ARHGEF11: variants seen among roughly 807,000 people sequenced by gnomAD.
ARHGEF11 encodes Rho guanine nucleotide exchange factor 11, also known as Rho guanine exchange factor (GEF) 11.
Under a neutral mutation model 193.7 loss-of-function variants are expected in ARHGEF11, and 55 were observed. The ratio of observed to expected loss-of-function variants is 0.28; its 90% CI spans 0.23 to 0.36. The LOEUF (loss-of-function observed/expected upper bound fraction) is 0.36, where lower values mean the gene tolerates loss of function less well. ARHGEF11 is among the 10% of genes least tolerant of loss of function. ARHGEF11 has a pLI of 1.00. For synonymous variants in ARHGEF11, 693 were observed against 768.0 expected (o/e 0.90, Z 1.62); for missense variants, 1,723 against 2,005.6 (o/e 0.86, Z 2.69).
chr1:156,955,619 G>C (rs1007896123), intron 20 of ARHGEF11, 84 bp downstream of exon 20: 33 of 1,058,290 alleles, frequency 3.1e-5, no homozygotes, highest in Non-Finnish European at 4.8e-5. Flanking sequence ...ACACAGGAAG[G>C]CCCTCTGCCA....
chr1:156,953,226 T>C (rs1031806604), intron 21 of ARHGEF11, among the ~76,000 whole-genome samples: 1 of 152,328 alleles, frequency 6.6e-6, no homozygotes, highest in East Asian at 1.9e-4. Context: ...GGAGGATCAC[T>C]TGAGCCCAGC....
chr1:156,948,214 G>C lies in ARHGEF11; in HGVS notation c.2120C>G (p.Pro707Arg). ...CATTTTGGGAGTGAATGGAGGGGTT[G>C]GGTTCTCAAGAGACCTGTGGAGGGA... is the stretch of plus-strand genomic sequence containing the variant. ...SSLSTRSLENPTPPFTPKMGR... is the reference protein window; with the variant it reads ...SSLSTRSLENRTPPFTPKMGR... Residue 707 changes from proline to arginine, a missense_variant, in exon 24 of 41, where the codon CCA (proline) becomes CGA (arginine). This residue lies in a region of ARHGEF11 where 491 missense variants were observed against 654.5 expected (regional missense o/e 0.75). Coordinates refer to ENST00000368194, the MANE Select transcript of ARHGEF11 (RefSeq NM_198236.3). The surrounding 1 kb of genome is among the most constrained non-coding windows in gnomAD (Gnocchi z 4.2). The C allele has an allele frequency of 6.3e-7, 1 of 1,583,400 alleles. No homozygotes were observed. The highest frequency in any genetic ancestry group is 1.2e-5 in the South Asian group (1 of 86,144).
intron 1 of ARHGEF11, among the ~76,000 whole-genome samples, chr1:156,986,697 A>T (rs2102490894): frequency 6.6e-6 from 1 of 152,350 alleles, no homozygotes; most frequent in South Asian, 2.1e-4. Context: ...TGGTGGCAGC[A>T]GAGACAAGCT....
At chr1:156,971,985 T>A (rs1184261751) in intron 7 of ARHGEF11, among the ~76,000 whole-genome samples, 169 bp from the exon 8 acceptor site, 2 of 151,830 alleles carry the variant, frequency 1.3e-5, no homozygotes, top group African/African-American at 4.8e-5. Context: ...TCATTCAGGA[T>A]CAGAAAAAGA....
chr1:156,941,489 T>G (rs903592312), intron 34 of ARHGEF11, 56 bp from the exon 35 acceptor site: 35 of 1,565,208 alleles, frequency 2.2e-5, no homozygotes, highest in Non-Finnish European at 3.1e-5. Context: ...CCTGGACTCA[T>G]GCATTAGAAT....
At chr1:156,957,054 T>C (rs1660055867) in intron 18 of ARHGEF11, among the ~76,000 whole-genome samples, 1 of 152,070 alleles carries the variant, frequency 6.6e-6, no homozygotes, top group Non-Finnish European at 1.5e-5. Context: ...CCCACCCCAG[T>C]ACAGAGAAAA....
intron 35 of ARHGEF11, among the ~76,000 whole-genome samples, chr1:156,940,696 A>G (rs12402294): frequency 0.23 from 34,640 of 152,152 alleles, 4,186 homozygotes; most frequent in East Asian, 0.37. Flanking sequence ...GTTAGAAGGC[A>G]GTAACTTCCA....
chr1:156,967,831 T>C, intron 11 of ARHGEF11, 156 bp downstream of exon 11: 1 of 891,672 alleles, frequency 1.1e-6, no homozygotes, highest in Non-Finnish European at 1.7e-6. Flanking sequence ...TCTCTTTCTT[T>C]ACTATTTGCT....
intron 11 of ARHGEF11, 192 bp downstream of exon 11, chr1:156,967,795 C>A: frequency 1.5e-6 from 1 of 653,562 alleles, no homozygotes; most frequent in Non-Finnish European, 2.6e-6. Flanking sequence ...GCCAGCCTTA[C>A]TTTCATATCT....
intron 34 of ARHGEF11, among the ~76,000 whole-genome samples, 189 bp from the exon 35 acceptor site, chr1:156,941,622 C>T (rs1189215463): frequency 6.6e-6 from 1 of 152,218 alleles, no homozygotes; most frequent in Non-Finnish European, 1.5e-5. Flanking sequence ...CTACATCCCC[C>T]TCACCCTTCT....
intron 1 of ARHGEF11, among the ~76,000 whole-genome samples, chr1:157,001,117 G>A (rs887453783): frequency 6.6e-6 from 1 of 152,124 alleles, no homozygotes; most frequent in Non-Finnish European, 1.5e-5. Flanking sequence ...TTAAGCATCT[G>A]ACTTATGCTA....
intron 12 of ARHGEF11, 51 bp from the exon 13 acceptor site, chr1:156,963,355 CG>C: frequency 1.9e-6 from 3 of 1,555,080 alleles, no homozygotes; most frequent in Non-Finnish European, 2.7e-6. Flanking sequence ...AGCAGCACAG[CG>C]GGTTCCAGCT....
intron 18 of ARHGEF11, 48 bp from the exon 19 acceptor site, chr1:156,956,612 C>T: frequency 6.2e-7 from 1 of 1,609,418 alleles, no homozygotes; most frequent in Non-Finnish European, 8.5e-7. Context: ...AAGTTATCTT[C>T]CCTGTGCCAA....
intron 1 of ARHGEF11, among the ~76,000 whole-genome samples, chr1:157,027,022 T>G (rs1670729693): frequency 6.6e-6 from 1 of 152,238 alleles, no homozygotes; most frequent in African/African-American, 2.4e-5. Context: ...TTAAAGTTAT[T>G]GGAAAAACCC....
chr1:156,994,539 T>C (rs1666218299), intron 1 of ARHGEF11, among the ~76,000 whole-genome samples: 1 of 152,158 alleles, frequency 6.6e-6, no homozygotes, highest in Non-Finnish European at 1.5e-5. Flanking sequence ...CTCACCTTTC[T>C]ACTTTCATGA....
At chr1:157,021,111 G>A (rs1284699424) in intron 1 of ARHGEF11, among the ~76,000 whole-genome samples, 1 of 152,208 alleles carries the variant, frequency 6.6e-6, no homozygotes, top group African/African-American at 2.4e-5. Flanking sequence ...TCTCTGACAT[G>A]CCAGTTGCTC....
chr1:156,991,959 G>C (rs1031983062), intron 1 of ARHGEF11, among the ~76,000 whole-genome samples: 6 of 148,626 alleles, frequency 4.0e-5, no homozygotes, highest in Non-Finnish European at 7.5e-5. Context: ...CTCGTGATCC[G>C]CCCGCCTCGG....
intron 1 of ARHGEF11, among the ~76,000 whole-genome samples, chr1:157,024,732 GCA>G (rs576939489): frequency 0.013 from 1,953 of 147,834 alleles, 38 homozygotes; most frequent in African/African-American, 0.045. Flanking sequence ...TGGGTGAAAG[GCA>G]AAAAAAAAAA....
Position 156,968,117 on chromosome 1 carries a change from A to T in ARHGEF11, c.833T>A (p.Met278Lys), listed in dbSNP as rs1420119977. The T allele has an allele frequency of 2.5e-6, 4 of 1,607,214 alleles. No individual in the cohort carries two copies. Among genetic ancestry groups the T allele is most frequent in the Non-Finnish European group, 3.4e-6 (4 of 1,175,338 alleles). Residue 278 changes from methionine (M) to lysine (K), a missense_variant, in exon 11 of 41, where the codon ATG becomes AAG. By Grantham distance (95) the Met-to-Lys change is moderately conservative. Transcript: ENST00000368194. Reference protein sequence around the residue: ...ERFPSLSESLMNRNSVLSDPG... With the variant: ...ERFPSLSESLKNRNSVLSDPG... ...GTCTGACAGTACCGAGTTCCGATTC[A>T]TCAATGACTAGAGAAACAAAGAATT...
Sources: allele counts gnomAD v4.1 joint callset (sites outside exome capture counted in the v4.1 genomes callset), GRCh38; gene constraint gnomAD v4.1.1; regional missense constraint gnomAD v4.1.1; non-coding constraint Gnocchi (gnomAD v3.1); transcripts MANE v1.5; gene names NCBI Gene and HGNC (gene_info 2026-07-23, HGNC 2026-07-21).